The following DAO variants were observed in gnomAD, a reference collection of about 807,000 sequenced individuals.
DAO encodes D-amino acid oxidase, also known as D-amino-acid oxidase.
In DAO, 51 loss-of-function variants were observed where a neutral mutation model predicts 50.1. The ratio of observed to expected loss-of-function variants is 1.02; its 90% CI spans 0.81 to 1.29. The LOEUF (loss-of-function observed/expected upper bound fraction) is 1.29, where lower values mean the gene tolerates loss of function less well. DAO is among the 50% of genes most tolerant of loss of function. DAO has a pLI of 0.00. For missense variants in DAO, 436 were observed against 439.4 expected (o/e 0.99, Z 0.07); for synonymous variants, 160 against 166.2 (o/e 0.96, Z 0.29).
intron 10 of DAO, chr12:108,899,754 A>T (rs2039602080): frequency 4.1e-6 from 2 of 491,682 alleles, no homozygotes; most frequent in African/African-American, 1.9e-5. Context: ...TGGGGATGGT[A>T]GCTGGTGCTG....
At chr12:108,895,694 A>C (rs1049198987) in intron 7 of DAO, among the ~76,000 whole-genome samples, 5 of 139,246 alleles carry the variant, frequency 3.6e-5, no homozygotes, top group African/African-American at 1.1e-4. Flanking sequence ...GTGTGTGTGC[A>C]TGCATGTGTG....
intron 1 of DAO, 64 bp from the exon 2 acceptor site, chr12:108,884,934 A>G (rs1374720031): frequency 2.0e-6 from 3 of 1,491,082 alleles, no homozygotes; most frequent in Non-Finnish European, 2.8e-6. Context: ...GGATGGTGGC[A>G]ATGGCGCTAA....
chr12:108,896,688 T>A (rs923034326), intron 7 of DAO, among the ~76,000 whole-genome samples: 3 of 151,674 alleles, frequency 2.0e-5, no homozygotes, highest in Non-Finnish European at 4.4e-5. Flanking sequence ...CAAGAGGGGG[T>A]CTGTTCAGTC....
chr12:108,880,441 G>A (rs1426687814), intron 1 of DAO: 1 of 303,724 alleles, frequency 3.3e-6, no homozygotes, highest in Non-Finnish European at 6.5e-6. Context: ...CTGGAACATG[G>A]GGATCATAAC....
chr12:108,887,325 G>C, intron 2 of DAO, 125 bp from the exon 3 acceptor site: 1 of 781,164 alleles, frequency 1.3e-6, no homozygotes, highest in Non-Finnish European at 2.4e-6. Flanking sequence ...GAGTGAACGT[G>C]GTGGATTTCT....
At chr12:108,900,007 G>T in intron 10 of DAO, 1 of 314,696 alleles carries the variant, frequency 3.2e-6, no homozygotes, top group South Asian at 3.0e-5. Context: ...AGACACAGCA[G>T]CAAGTCCATT....
At chr12:108,882,877 G>A (rs1177023573) in intron 1 of DAO, among the ~76,000 whole-genome samples, 1 of 152,172 alleles carries the variant, frequency 6.6e-6, no homozygotes, top group Non-Finnish European at 1.5e-5. Flanking sequence ...GGCGGGTGCA[G>A]TGGCACACAC....
chr12:108,898,586 G>A (rs1052165404), intron 8 of DAO, 93 bp from the exon 9 acceptor site: 4 of 860,496 alleles, frequency 4.6e-6, no homozygotes, highest in Middle Eastern at 2.2e-4. Context: ...TGGTGGTGGT[G>A]TTAGCAGAGG....
Position 108,893,037 on chromosome 12 carries a change from G to A in DAO, c.507+1G>A. On this transcript the variant is annotated splice_donor_variant, in intron 6 of 10. Coordinates refer to ENST00000228476, the MANE Select transcript of DAO (RefSeq NM_001917.5). LOFTEE classifies it high-confidence loss of function. ...GCGGAAAGTGGAGTCTTTTGAGGAG[G>A]TGAGTTGCAGGGCTGATGCGGTGGA... is the stretch of plus-strand genomic sequence containing the variant. The A allele has an allele frequency of 1.5e-5, 25 of 1,613,692 alleles. No individual in the cohort carries two copies. The highest frequency in any genetic ancestry group is 2.1e-5 in the Non-Finnish European group (25 of 1,179,746).
chr12:108,889,827 A>C lies in DAO; in HGVS notation c.386+282A>C, dbSNP rs3741775. On this transcript the variant is annotated intron_variant, in intron 4 of 10. Transcript: ENST00000228476. ...TACTGAGTTTCAGAGAGGCTAAGTG[A>C]CTTCCTAAGGTCACACAGCCAAGTG... Among the ~76,000 whole-genome samples, 49,319 of 151,886 alleles carry C rather than the reference A, an allele frequency of 0.32. 10,058 individuals are homozygous for C. The highest frequency in any genetic ancestry group is 0.46 in the East Asian group (2,342 of 5,138).
intron 7 of DAO, 21 bp from the exon 8 acceptor site, chr12:108,896,985 T>TCAATGGTGA: frequency 6.2e-7 from 1 of 1,602,340 alleles, no homozygotes; most frequent in Admixed American, 1.7e-5. Context: ...CTGATGAGAC[T>TCAATGGTGA]TTCCTGCCCT....
In DAO at chr12:108,897,920, T is replaced by C. The variant is rs115039103; in HGVS notation, c.696-759T>C. Among the ~76,000 whole-genome samples, 1,006 of 151,336 alleles carry C rather than the reference T, an allele frequency of 6.6e-3. 13 individuals are homozygous for C. The highest frequency in any genetic ancestry group is 0.023 in the African/African-American group (956 of 41,236). ...CATGTTCACACCACTGTACTCCAGC[T>C]TGGGCCACAGAGCGAGACCCCATCT... On this transcript the variant is annotated intron_variant, in intron 8 of 10. Coordinates refer to ENST00000228476, the MANE Select transcript of DAO (RefSeq NM_001917.5).
intron 1 of DAO, among the ~76,000 whole-genome samples, chr12:108,881,162 T>TCACACACACACACA (rs66697500): frequency 0.022 from 3,003 of 139,242 alleles, 67 homozygotes; most frequent in African/African-American, 0.043. Flanking sequence ...GACATTCTAA[T>TCACACACACACACA]CACACACACA....
intron 5 of DAO, among the ~76,000 whole-genome samples, chr12:108,891,477 A>G (rs137966933): frequency 1.6e-4 from 25 of 151,958 alleles, no homozygotes; most frequent in African/African-American, 6.0e-4. Flanking sequence ...TTAAAAAAAT[A>G]TGGAATATAT....
chr12:108,896,147 G>C (rs749263275), intron 7 of DAO, among the ~76,000 whole-genome samples: 1 of 152,014 alleles, frequency 6.6e-6, no homozygotes, highest in Non-Finnish European at 1.5e-5. Flanking sequence ...GTTTGGGCCA[G>C]GCGTGGTGAC....
At position 108,882,251 on chromosome 12, in the gene DAO, G is replaced by T. The variant is rs145430448; in HGVS notation, c.-10+2027G>T. Among the ~76,000 whole-genome samples the T allele has an allele frequency of 5.9e-3, 899 of 152,288 alleles. 11 individuals are homozygous for T. The highest frequency in any genetic ancestry group is 0.021 in the African/African-American group (861 of 41,564). ...GATGAGGTCGGGCATGGTGGCTCACGCCTGTAATCCTAGCACTTTGAGAGT... is the reference window on the plus strand; with the variant it reads ...GATGAGGTCGGGCATGGTGGCTCACTCCTGTAATCCTAGCACTTTGAGAGT... On this transcript the variant is annotated intron_variant, in intron 1 of 10. Transcript: ENST00000228476.
In DAO at chr12:108,883,153, C is replaced by CTT. The variant is rs35481176; in HGVS notation, c.-9-1835_-9-1834dup. 8.5e-3 allele frequency among the ~76,000 whole-genome samples: 1,262 copies of CTT among 148,696 alleles called. 13 individuals are homozygous for CTT. Among genetic ancestry groups the CTT allele is most frequent in the African/African-American group, 0.028 (1,145 of 40,786 alleles). ...TCTGACTCTGCCTTTCTCTTCTCCT[C>CTT]TTTTTTTTTTTGAGGCAGAATTTCG... On this transcript the variant is annotated intron_variant, in intron 1 of 10. Coordinates refer to ENST00000228476, the MANE Select transcript of DAO (RefSeq NM_001917.5).
Position 108,900,894 on chromosome 12 carries a change from C to T in DAO, c.*359C>T, listed in dbSNP as rs189628427. On this transcript the variant is annotated 3_prime_UTR_variant, in exon 11 of 11. Coordinates refer to ENST00000228476, the MANE Select transcript of DAO (RefSeq NM_001917.5). ...GTAACCTGATTACAAGTTGTACTAA[C>T]ATATTAAAGGTTCTGAAAAGTCCTG... 6 of 309,814 alleles carry T rather than the reference C, an allele frequency of 1.9e-5. No homozygotes were observed. The highest frequency in any genetic ancestry group is 3.7e-5 in the Non-Finnish European group (6 of 160,082). The allele number at this position is 309,814 out of a possible 1,614,324, so 19.2% of individuals were successfully genotyped here.
In DAO at chr12:108,894,367, G is replaced by A. The variant is rs753033542; in HGVS notation, c.612G>A (p.Lys204=). The A allele has an allele frequency of 3.1e-6, 5 of 1,611,912 alleles. 1 individual carries two copies. The South Asian group carries it at 5.5e-5, about 18-fold the overall frequency. ...AGCCAGGCCGGGGGCAGATCATGAA[G>A]GTGAGTGTGAGGGTGAGACCCCTAC... The part of the protein sequence containing the change: ...LLQPGRGQIM[K]VDAPWMKHFI... Residue 204 remains lysine, a splice_region_variant and synonymous_variant, in exon 7 of 11, where the codon AAG becomes AAA. Coordinates refer to ENST00000228476, the MANE Select transcript of DAO (RefSeq NM_001917.5).
Sources: gnomAD v4.1 joint callset for allele counts (sites outside exome capture counted in the v4.1 genomes callset) on GRCh38, gnomAD v4.1.1 for gene constraint, MANE v1.5 for transcripts, NCBI Gene and HGNC (gene_info 2026-07-23, HGNC 2026-07-21) for gene names.